TXLNB: variants seen among roughly 807,000 people sequenced by gnomAD.
TXLNB encodes the protein taxilin beta, also known as beta-taxilin.
A neutral mutation model predicts 57.4 loss-of-function variants in TXLNB; 37 were observed. That is an observed-to-expected ratio of 0.64 (90% CI 0.50 to 0.85). TXLNB has a LOEUF of 0.85. Among genes scored for constraint, TXLNB ranks in the 40% least tolerant of loss-of-function variants. The pLI is 0.00. For missense variants in TXLNB, 848 were observed against 825.6 expected (o/e 1.03, Z -0.33); for synonymous variants, 302 against 309.6 (o/e 0.98, Z 0.26).
the TXLNB span, among the ~76,000 whole-genome samples, chr6:139,209,291 A>T: frequency 6.6e-6 from 1 of 152,224 alleles, no homozygotes; most frequent in Non-Finnish European, 1.5e-5. Context: ...TGCGGAAAGA[A>T]ATCATAGATG....
the TXLNB span, among the ~76,000 whole-genome samples, chr6:139,209,108 TA>T: frequency 1.3e-5 from 2 of 152,102 alleles, no homozygotes; most frequent in Non-Finnish European, 2.9e-5. Context: ...GATACAAAAT[TA>T]ATGTACACAA....
the TXLNB span, chr6:139,179,061 T>C: frequency 6.6e-6 from 1 of 152,092 alleles, no homozygotes; most frequent in Non-Finnish European, 1.5e-5. Context: ...CTATAAGAAG[T>C]AGAAAGTCAT....
chr6:139,276,530 A>C (rs1054419188), intron 3 of TXLNB, among the ~76,000 whole-genome samples: 1 of 152,192 alleles, frequency 6.6e-6, no homozygotes, highest in African/African-American at 2.4e-5. Context: ...ATTGGGTGAT[A>C]TGGTTTATTT....
chr6:139,203,158 T>C, the TXLNB span, among the ~76,000 whole-genome samples: 1 of 152,352 alleles, frequency 6.6e-6, no homozygotes, highest in South Asian at 2.1e-4. Flanking sequence ...ATGTCTATTA[T>C]GAATAATGCT....
At chr6:139,188,114 C>CT in the TXLNB span, among the ~76,000 whole-genome samples, 1 of 152,150 alleles carries the variant, frequency 6.6e-6, no homozygotes, top group South Asian at 2.1e-4. Flanking sequence ...CAGGGGCCTT[C>CT]TTACTAAGAG....
intron 2 of TXLNB, among the ~76,000 whole-genome samples, chr6:139,279,969 T>G (rs1167062576): frequency 6.6e-6 from 1 of 152,040 alleles, no homozygotes; most frequent in African/African-American, 2.4e-5. Context: ...AGAAATTATT[T>G]TTACATCAAA....
the TXLNB span, among the ~76,000 whole-genome samples, chr6:139,203,143 A>G: frequency 6.6e-6 from 1 of 152,206 alleles, no homozygotes; most frequent in East Asian, 1.9e-4. Flanking sequence ...GTCTATTATG[A>G]CAATATGTCT....
chr6:139,183,537 C>T, the TXLNB span: 24 of 152,188 alleles, frequency 1.6e-4, no homozygotes, highest in African/African-American at 5.1e-4. Context: ...CTAAGGGTAA[C>T]AAATTGGGGG....
chr6:139,224,892 A>AT, the TXLNB span, among the ~76,000 whole-genome samples: 1 of 152,202 alleles, frequency 6.6e-6, no homozygotes, highest in Admixed American at 6.5e-5. Context: ...TTGTAAAAAA[A>AT]GAAAATTACA....
At chr6:139,302,857 C>T in the TXLNB span, among the ~76,000 whole-genome samples, 1 of 151,696 alleles carries the variant, frequency 6.6e-6, no homozygotes, top group Non-Finnish European at 1.5e-5. Flanking sequence ...TGTAATAAAA[C>T]TGGAAAATTA....
At chr6:139,197,888 G>T in the TXLNB span, 3 of 152,330 alleles carry the variant, frequency 2.0e-5, no homozygotes, top group African/African-American at 7.2e-5. Context: ...AAGGCAGAAG[G>T]ACCAAGATGT....
At chr6:139,177,156 A>T in the TXLNB span, 4 of 735,726 alleles carry the variant, frequency 5.4e-6, no homozygotes, top group South Asian at 6.7e-5. This position sits in a 1 kb window ranked among gnomAD's most constrained non-coding sequence, Gnocchi z 4.9. Flanking sequence ...TTACTTTATT[A>T]CATATCTTTT....
At chr6:139,167,416 C>T in the TXLNB span, 1 of 1,113,420 alleles carries the variant, frequency 9.0e-7, no homozygotes, top group Non-Finnish European at 1.3e-6. Flanking sequence ...TAGTTTTCAC[C>T]AGTGTTGTTT....
chr6:139,166,009 A>G, the TXLNB span: 605 of 336,998 alleles, frequency 1.8e-3, 3 homozygotes, highest in African/African-American at 0.011. Context: ...GAGACCGTCT[A>G]TGTTCCAGCG....
At position 139,288,350 on chromosome 6, in the gene TXLNB, G is replaced by C. The variant is rs1777224189; in HGVS notation, c.424+126C>G. The C allele has an allele frequency of 3.2e-6, 3 of 935,472 alleles. No individual in the cohort carries two copies. The East Asian group carries it at 7.4e-5, about 23-fold the overall frequency. 57.9% of individuals were successfully genotyped at this position (935,472 alleles called of 1,614,324 possible). On this transcript the variant is annotated intron_variant, in intron 2 of 9. Coordinates refer to ENST00000358430, the MANE Select transcript of TXLNB (RefSeq NM_153235.4). Reference sequence around the variant, plus strand: ...AAGGGCTGGGGACAAATACAACAAGGGAAAATATAGAAGGCTACTACAGTC... The same window carrying C: ...AAGGGCTGGGGACAAATACAACAAGCGAAAATATAGAAGGCTACTACAGTC...
the TXLNB span, among the ~76,000 whole-genome samples, chr6:139,219,082 T>C: frequency 6.6e-6 from 1 of 152,206 alleles, no homozygotes; most frequent in East Asian, 1.9e-4. Context: ...TACTCACTAA[T>C]TGTATTCAAT....
At chr6:139,191,534 G>A in the TXLNB span, among the ~76,000 whole-genome samples, 10 of 152,138 alleles carry the variant, frequency 6.6e-5, no homozygotes, top group East Asian at 9.6e-4. Flanking sequence ...ATTATACAAC[G>A]TTTCAATTAC....
the TXLNB span, among the ~76,000 whole-genome samples, chr6:139,197,509 G>T: frequency 6.6e-6 from 1 of 152,126 alleles, no homozygotes; most frequent in Non-Finnish European, 1.5e-5. Flanking sequence ...ATCAGTTACA[G>T]AAATCAATCA....
At chr6:139,167,892 A>G in the TXLNB span, among the ~76,000 whole-genome samples, 3 of 152,316 alleles carry the variant, frequency 2.0e-5, no homozygotes, top group Middle Eastern at 3.4e-3. Flanking sequence ...TGGATGGCAT[A>G]TAAGGATTTG....
Sources: allele counts gnomAD v4.1 joint callset (sites outside exome capture counted in the v4.1 genomes callset), GRCh38; gene constraint gnomAD v4.1.1; non-coding constraint Gnocchi (gnomAD v3.1); transcripts MANE v1.5; gene names NCBI Gene and HGNC (gene_info 2026-07-23, HGNC 2026-07-21).